Variants in FBXO3 observed in about 807,000 individuals in gnomAD.
FBXO3 encodes the protein F-box protein 3, also known as F-box only protein 3.
FBXO3 carries 17 observed loss-of-function variants against 64.8 expected under a neutral mutation model. The observed-to-expected ratio is 0.26, with a 90% CI of 0.18 to 0.39. The LOEUF (loss-of-function observed/expected upper bound fraction) is 0.39. Ranked by LOEUF, FBXO3 falls within the 10% of genes least tolerant of loss-of-function variation. The pLI is 1.00. For synonymous variants in FBXO3, 182 were observed against 201.6 expected (o/e 0.90, Z 0.82); for missense variants, 420 against 589.9 (o/e 0.71, Z 2.98).
Position 33,760,505 on chromosome 11 carries a change from G to A in FBXO3, c.359-1904C>T, listed in dbSNP as rs529660291. On this transcript the variant is annotated intron_variant, in intron 3 of 10. Coordinates refer to ENST00000265651, the MANE Select transcript of FBXO3 (RefSeq NM_012175.4). The stretch of plus-strand genomic sequence containing the variant: ...AAAAAAAAACCTTAAAAATTAGCCA[G>A]GGATGGTGTCGCACCTGTAGTCCCA... Among the ~76,000 whole-genome samples, 35 of 152,038 alleles carry A rather than the reference G, an allele frequency of 2.3e-4. 1 individual carries two copies. In the South Asian group the frequency reaches 6.7e-3, roughly 29 times the overall value.
At chr11:33,757,163 C>T (rs747991441) in intron 4 of FBXO3, 32 of 493,466 alleles carry the variant, frequency 6.5e-5, no homozygotes, top group Admixed American at 1.7e-4. Flanking sequence ...ACACCAGGTT[C>T]CAATAAGAAC....
At position 33,758,520 on chromosome 11, in the gene FBXO3, C is replaced by A. The variant is rs778868394; in HGVS notation, c.440G>T (p.Arg147Leu). The A allele has an allele frequency of 6.2e-7, 1 of 1,606,770 alleles. No homozygotes were observed. The highest frequency in any genetic ancestry group is 1.1e-5 in the South Asian group (1 of 90,422). The change falls in exon 4 of 11, where the codon CGA becomes CTA. Residue 147 changes from arginine (R) to leucine (L), a missense_variant. Around this residue, in one of 3 missense-constraint regions of FBXO3, gnomAD observed 337 missense variants for 518.4 expected, o/e 0.65. Transcript: ENST00000265651. ...KLPDDYRCSY[R>L]IHNGQKLVVP... is the part of the protein sequence containing the mutation. ...CACTAACTTCTGTCCATTGTGAATT[C>A]GGTATGAACATCGATAATCGTCAGG... is the stretch of plus-strand genomic sequence containing the variant.
intron 4 of FBXO3, among the ~76,000 whole-genome samples, chr11:33,757,955 C>CAAAAAAATAAAAA (rs1855149447): frequency 1.2e-5 from 1 of 86,464 alleles, no homozygotes. Flanking sequence ...GACCCTGTCT[C>CAAAAAAATAAAAA]AAAAAAAAAA....
intron 5 of FBXO3, among the ~76,000 whole-genome samples, chr11:33,755,015 G>A (rs79964900): frequency 0.014 from 2,102 of 151,898 alleles, 60 homozygotes; most frequent in African/African-American, 0.043. Flanking sequence ...TAAGGCATGC[G>A]CCACCACACC....
chr11:33,754,630 CTTG>C, intron 5 of FBXO3, 130 bp from the exon 6 acceptor site: 1 of 654,728 alleles, frequency 1.5e-6, no homozygotes. Context: ...AGATATATGG[CTTG>C]TTATCCTAGA....
chr11:33,771,909 G>T (rs1855520582), intron 1 of FBXO3: 1 of 152,174 alleles, frequency 6.6e-6, no homozygotes, highest in African/African-American at 2.4e-5. Context: ...CATGAAAGAT[G>T]AATTCAATGC....
chr11:33,772,463 CT>C (rs1855532998), intron 1 of FBXO3: 1 of 152,238 alleles, frequency 6.6e-6, no homozygotes, highest in Non-Finnish European at 1.5e-5. Flanking sequence ...CATCTCATCA[CT>C]GTCTGTGAGT....
intron 1 of FBXO3, chr11:33,773,344 G>A (rs369214026): frequency 1.6e-4 from 24 of 152,294 alleles, no homozygotes; most frequent in African/African-American, 5.3e-4. Context: ...AAAACTTGAG[G>A]TATCTCTCTA....
chr11:33,751,640 G>A lies in FBXO3; in HGVS notation c.725-33C>T, dbSNP rs536195300. ...GCAGGAAAGGGAGAAAAAAAGAAAA[G>A]AACAAATAGTTTTGTAAAATCTATA... On this transcript the variant is annotated intron_variant, in intron 6 of 10. Coordinates refer to ENST00000265651, the MANE Select transcript of FBXO3 (RefSeq NM_012175.4). The A allele has an allele frequency of 1.4e-4, 188 of 1,327,556 alleles. 4 individuals are homozygous for A. The South Asian group carries it at 2.4e-3, about 17-fold the overall frequency. 82.2% of individuals were successfully genotyped at this position (1,327,556 alleles called of 1,614,324 possible).
rs943793306 is a variant in FBXO3, at chr11:33,741,103, T to C, written c.*805A>G. 2.6e-5 allele frequency: 4 copies of C among 152,588 alleles called. No individual in the cohort carries two copies. Among genetic ancestry groups the C allele is most frequent in the African/African-American group, 9.7e-5 (4 of 41,434 alleles). The allele number at this position is 152,588 out of a possible 1,614,324, so 9.5% of individuals were successfully genotyped here. ...CACTTATCACAAAGACAGTCAAGTG[T>C]ATAAAGGAGAAACAAAACAGAAGCA... On this transcript the variant is annotated 3_prime_UTR_variant, in exon 11 of 11. Coordinates refer to ENST00000265651, the MANE Select transcript of FBXO3 (RefSeq NM_012175.4).
intron 3 of FBXO3, among the ~76,000 whole-genome samples, chr11:33,762,811 T>C (rs76643261): frequency 4.7e-4 from 71 of 150,752 alleles, no homozygotes; most frequent in African/African-American, 1.6e-3. Flanking sequence ...CAGTAAAGGA[T>C]TGGCAAAGGC....
intron 3 of FBXO3, among the ~76,000 whole-genome samples, chr11:33,764,271 A>G (rs931051142): frequency 1.3e-5 from 2 of 152,254 alleles, no homozygotes; most frequent in South Asian, 2.1e-4. Context: ...TACAACTTAC[A>G]TAAAGTTCAA....
chr11:33,754,416 A>C, intron 6 of FBXO3, 39 bp downstream of exon 6: 1 of 1,490,708 alleles, frequency 6.7e-7, no homozygotes, highest in Non-Finnish European at 9.1e-7. Context: ...ATATCCAGGA[A>C]GAAGAAGAAG....
chr11:33,767,334 C>G (rs1309944188), intron 3 of FBXO3, among the ~76,000 whole-genome samples: 1 of 152,086 alleles, frequency 6.6e-6, no homozygotes, highest in Non-Finnish European at 1.5e-5. Context: ...GAGTCTTGCT[C>G]TGTCGCCCAG....
chr11:33,765,905 G>A (rs1855357704), intron 3 of FBXO3, among the ~76,000 whole-genome samples: 1 of 152,146 alleles, frequency 6.6e-6, no homozygotes. Flanking sequence ...CCCAGAAGCA[G>A]ATGCCACCAT....
Position 33,770,609 on chromosome 11 carries a change from T to C in FBXO3, c.194+132A>G, listed in dbSNP as rs1309744724. On this transcript the variant is annotated intron_variant, in intron 2 of 10. Coordinates refer to ENST00000265651, the MANE Select transcript of FBXO3 (RefSeq NM_012175.4). ...CAGAACCTTGGCAAATACCAACATTTACTAGCAGGCACGAGAAGAGCCACC... is the reference window on the plus strand; with the variant it reads ...CAGAACCTTGGCAAATACCAACATTCACTAGCAGGCACGAGAAGAGCCACC... 1.3e-5 allele frequency: 8 copies of C among 639,828 alleles called. No individual in the cohort carries two copies. In the Admixed American group the frequency reaches 1.6e-4, roughly 13 times the overall value. The allele number at this position is 639,828 out of a possible 1,614,324, so 39.6% of individuals were successfully genotyped here.
chr11:33,769,106 T>C, intron 2 of FBXO3, 92 bp from the exon 3 acceptor site: 1 of 1,058,718 alleles, frequency 9.4e-7, no homozygotes. Context: ...CTTGTACTTT[T>C]CCCTTCCTTT....
intron 10 of FBXO3, chr11:33,744,216 A>G (rs971310624): frequency 1.3e-5 from 2 of 152,212 alleles, no homozygotes; most frequent in African/African-American, 4.8e-5. Flanking sequence ...ATGATATGTG[A>G]GTAGTATGAT....
intron 3 of FBXO3, 121 bp from the exon 4 acceptor site, chr11:33,758,722 G>T: frequency 1.8e-6 from 1 of 558,334 alleles, no homozygotes. Context: ...CAAAATATAT[G>T]GCTGAAATAG....
Sources: allele counts gnomAD v4.1 joint callset (sites outside exome capture counted in the v4.1 genomes callset), GRCh38; gene constraint gnomAD v4.1.1; regional missense constraint gnomAD v4.1.1; transcripts MANE v1.5; gene names NCBI Gene and HGNC (gene_info 2026-07-23, HGNC 2026-07-21).